Variants in ADAM12 observed in about 807,000 individuals in gnomAD.
ADAM12 encodes the protein ADAM metallopeptidase domain 12, also known as disintegrin and metalloproteinase domain-containing protein 12.
ADAM12 carries 70 observed loss-of-function variants against 106.4 expected under a neutral mutation model. That is an observed-to-expected ratio of 0.66 (90% confidence interval 0.54 to 0.80). The LOEUF is 0.80. Among genes scored for constraint, ADAM12 ranks in the 30% least tolerant of loss-of-function variants. ADAM12 has a pLI of 0.00. For missense variants in ADAM12, 1,010 were observed against 1,171.9 expected (o/e 0.86, Z 2.02); for synonymous variants, 420 against 433.5 (o/e 0.97, Z 0.39).
At chr10:126,257,803 T>C (rs1250867808) in intron 3 of ADAM12, among the ~76,000 whole-genome samples, 2 of 152,222 alleles carry the variant, frequency 1.3e-5, no homozygotes, top group African/African-American at 4.8e-5. Flanking sequence ...CCAGTCAGCC[T>C]TGCCAAGGGC....
chr10:126,133,245 CCTT>C (rs1956340711), intron 5 of ADAM12, among the ~76,000 whole-genome samples: 2 of 152,300 alleles, frequency 1.3e-5, no homozygotes, highest in African/African-American at 4.8e-5. Context: ...TCCAAACTCT[CCTT>C]CTTCACCTTC....
At chr10:126,253,774 C>T (rs1034055617) in intron 3 of ADAM12, among the ~76,000 whole-genome samples, 1 of 152,158 alleles carries the variant, frequency 6.6e-6, no homozygotes, top group Admixed American at 6.5e-5. Context: ...AGGGCAGAGC[C>T]TGGGATAAGC....
At chr10:126,045,913 A>T in intron 17 of ADAM12, 142 bp downstream of exon 17, 1 of 689,224 alleles carries the variant, frequency 1.5e-6, no homozygotes, top group Non-Finnish European at 2.5e-6. Flanking sequence ...AAAAGAAATG[A>T]ATACCTTTAG....
At chr10:126,206,563 C>T (rs957193281) in intron 3 of ADAM12, among the ~76,000 whole-genome samples, 3 of 152,306 alleles carry the variant, frequency 2.0e-5, no homozygotes, top group South Asian at 2.1e-4. Flanking sequence ...AAACACAACA[C>T]ATCTCACTCA....
At chr10:126,256,907 G>GAAT (rs76641223) in intron 3 of ADAM12, among the ~76,000 whole-genome samples, 73,702 of 146,042 alleles carry the variant, frequency 0.5, 18,317 homozygotes, top group Non-Finnish European at 0.56. Flanking sequence ...CTTTGGATGG[G>GAAT]AATAATAATA....
At chr10:126,166,720 A>G (rs1957031476) in intron 3 of ADAM12, among the ~76,000 whole-genome samples, 1 of 152,102 alleles carries the variant, frequency 6.6e-6, no homozygotes, top group South Asian at 2.1e-4. Context: ...GATGGTCTCC[A>G]TCTCTTGACC....
intron 3 of ADAM12, among the ~76,000 whole-genome samples, chr10:126,199,354 C>T (rs1957655323): frequency 6.6e-6 from 1 of 152,164 alleles, no homozygotes; most frequent in South Asian, 2.1e-4. Flanking sequence ...GTGTTCATTT[C>T]AAGTCATGCC....
intron 5 of ADAM12, among the ~76,000 whole-genome samples, chr10:126,122,538 G>A (rs149995238): frequency 6.6e-6 from 1 of 152,178 alleles, no homozygotes; most frequent in South Asian, 2.1e-4. Context: ...GAGGTGGGTG[G>A]ATCACCTGTG....
intron 4 of ADAM12, among the ~76,000 whole-genome samples, chr10:126,148,410 A>G (rs1180763490): frequency 6.6e-6 from 1 of 152,202 alleles, no homozygotes; most frequent in East Asian, 1.9e-4. Context: ...CTCACCACGA[A>G]AAACAATGCA....
In ADAM12 at chr10:126,039,429, T is replaced by C; in HGVS notation, c.2105A>G (p.Asp702Gly). Residue 702 changes from aspartate (D) to glycine (G), a missense_variant and splice_region_variant, in exon 19 of 23, where the codon GAT (aspartate) becomes GGT (glycine). Physicochemically the swap from Asp to Gly is moderately conservative, Grantham distance 94. Around this residue, in one of 3 missense-constraint regions of ADAM12, gnomAD observed 615 missense variants for 708.5 expected, o/e 0.87. Coordinates refer to ENST00000448723, the MANE Select transcript of ADAM12 (RefSeq NM_001288973.2). ...STDSGPIRQA[D>G]NQGLTIGILV... ...AATTCCTATGGTTAAACCTTGGTTATCTGAAACAAAACACATGGGGCTCAC... is the reference window on the plus strand; with the variant it reads ...AATTCCTATGGTTAAACCTTGGTTACCTGAAACAAAACACATGGGGCTCAC... 1.2e-6 allele frequency: 2 copies of C among 1,614,044 alleles called. No homozygotes were observed. Among genetic ancestry groups the C allele is most frequent in the Non-Finnish European group, 1.7e-6 (2 of 1,179,938 alleles).
chr10:126,227,198 ACAC>A (rs1365164519), intron 3 of ADAM12, among the ~76,000 whole-genome samples: 2 of 151,702 alleles, frequency 1.3e-5, no homozygotes, highest in African/African-American at 4.8e-5. Flanking sequence ...ATTATCACTA[ACAC>A]CACCACCATC....
intron 1 of ADAM12, among the ~76,000 whole-genome samples, chr10:126,343,004 C>G (rs188412559): frequency 1.6e-4 from 25 of 152,230 alleles, no homozygotes; most frequent in African/African-American, 6.0e-4. Context: ...AACGACCAGG[C>G]ACTGGCAAGT....
chr10:126,299,147 G>C (rs954452353), intron 2 of ADAM12, among the ~76,000 whole-genome samples: 1 of 152,000 alleles, frequency 6.6e-6, no homozygotes, highest in Non-Finnish European at 1.5e-5. Flanking sequence ...AAGAGAGGAG[G>C]TAAACAGAAC....
intron 4 of ADAM12, among the ~76,000 whole-genome samples, chr10:126,143,840 G>A (rs1956574138): frequency 2.0e-5 from 3 of 152,044 alleles, no homozygotes; most frequent in Non-Finnish European, 2.9e-5. Context: ...TCAGGTCCTT[G>A]TTCCCTTGCA....
At chr10:126,333,223 G>A (rs898743426) in intron 1 of ADAM12, among the ~76,000 whole-genome samples, 5 of 152,216 alleles carry the variant, frequency 3.3e-5, no homozygotes, top group Admixed American at 2.0e-4. Context: ...CAAGTGAATT[G>A]TTAAACTGAA....
At chr10:126,113,317 AGT>A (rs1159742070) in intron 6 of ADAM12, among the ~76,000 whole-genome samples, 1 of 151,978 alleles carries the variant, frequency 6.6e-6, no homozygotes, top group African/African-American at 2.4e-5. Context: ...AAGGAGGTTG[AGT>A]GATAGCCTAA....
Position 126,326,458 on chromosome 10 carries a change from T to C in ADAM12, c.186+3954A>G, listed in dbSNP as rs1024414054. ...GTAGCCAGGGCCAAAACACAGGGGT[T>C]GTCCTTAACACCTTGAATCCACGGG... On this transcript the variant is annotated intron_variant, in intron 2 of 22. Transcript: ENST00000448723. 9.9e-5 allele frequency among the ~76,000 whole-genome samples: 15 copies of C among 152,186 alleles called. No individual in the cohort carries two copies. In the East Asian group the frequency reaches 2.7e-3, roughly 27 times the overall value.
intron 11 of ADAM12, among the ~76,000 whole-genome samples, chr10:126,092,011 G>A (rs1334305918): frequency 6.6e-6 from 1 of 152,154 alleles, no homozygotes; most frequent in African/African-American, 2.4e-5. Flanking sequence ...GAATGTAAGA[G>A]CCAGGGGGTT....
At chr10:126,135,512 G>A (rs563221405) in intron 5 of ADAM12, 72 bp downstream of exon 5, 32 of 1,438,386 alleles carry the variant, frequency 2.2e-5, no homozygotes, top group South Asian at 1.0e-4. Context: ...GCTTTAGCAC[G>A]AGCAGGAAAA....
Sources: gnomAD v4.1 joint callset for allele counts (sites outside exome capture counted in the v4.1 genomes callset) on GRCh38, gnomAD v4.1.1 for gene constraint, gnomAD v4.1.1 regional missense constraint, MANE v1.5 for transcripts, NCBI Gene and HGNC (gene_info 2026-07-23, HGNC 2026-07-21) for gene names.